Variants in SKIC3 observed in about 807,000 individuals in gnomAD.
SKIC3 encodes the protein superkiller complex protein 3.
the SKIC3 span, among the ~76,000 whole-genome samples, chr5:95,519,873 T>C: frequency 2.0e-5 from 3 of 152,026 alleles, no homozygotes; most frequent in South Asian, 2.1e-4. Flanking sequence ...AAATAAAGCA[T>C]GCCCTTTACA....
the SKIC3 span, chr5:95,495,009 A>G: frequency 6.2e-7 from 1 of 1,613,808 alleles, no homozygotes; most frequent in Non-Finnish European, 8.5e-7. Flanking sequence ...TTCCTGCTAC[A>G]ACACCTCCCT....
At chr5:95,553,800 C>T in the SKIC3 span, among the ~76,000 whole-genome samples, 1 of 152,218 alleles carries the variant, frequency 6.6e-6, no homozygotes, top group Non-Finnish European at 1.5e-5. Context: ...CTTCGGTGAT[C>T]CGCCCGTCTC....
the SKIC3 span, chr5:95,520,797 A>C: frequency 3.1e-6 from 5 of 1,611,640 alleles, no homozygotes; most frequent in Non-Finnish European, 4.2e-6. Flanking sequence ...TTTTGCCATC[A>C]TAAGATGGCA....
chr5:95,477,932 A>T, the SKIC3 span, among the ~76,000 whole-genome samples: 1 of 152,316 alleles, frequency 6.6e-6, no homozygotes, highest in Middle Eastern at 3.4e-3. Flanking sequence ...GAGAATGTTG[A>T]ATTGAAATGA....
chr5:95,530,524 C>T, the SKIC3 span, among the ~76,000 whole-genome samples: 1 of 152,186 alleles, frequency 6.6e-6, no homozygotes, highest in Non-Finnish European at 1.5e-5. Context: ...TGCTTGCCAG[C>T]TGTAACAATT....
At chr5:95,497,941 T>C in the SKIC3 span, among the ~76,000 whole-genome samples, 5 of 152,108 alleles carry the variant, frequency 3.3e-5, no homozygotes, top group Non-Finnish European at 7.4e-5. Flanking sequence ...GACATGACAC[T>C]TTACTGCTAA....
chr5:95,502,796 A>T, the SKIC3 span: 1 of 1,579,090 alleles, frequency 6.3e-7, no homozygotes. Flanking sequence ...TTCCTAAAAC[A>T]TGAAGAACTT....
At chr5:95,485,179 A>G in the SKIC3 span, among the ~76,000 whole-genome samples, 1 of 152,224 alleles carries the variant, frequency 6.6e-6, no homozygotes, top group African/African-American at 2.4e-5. Context: ...ATCTGATGAT[A>G]TTTGACATGT....
the SKIC3 span, among the ~76,000 whole-genome samples, chr5:95,546,588 C>G: frequency 6.6e-6 from 1 of 152,082 alleles, no homozygotes; most frequent in Non-Finnish European, 1.5e-5. Context: ...AGCTCTGGAT[C>G]CCAGTGTGTC....
At chr5:95,464,539 G>T in the SKIC3 span, 2 of 1,193,078 alleles carry the variant, frequency 1.7e-6, no homozygotes, top group South Asian at 1.3e-5. Context: ...GCTTTGGGTA[G>T]AAGTCTTGAT....
chr5:95,507,211 A>G, the SKIC3 span, among the ~76,000 whole-genome samples: 4 of 152,206 alleles, frequency 2.6e-5, no homozygotes, highest in Non-Finnish European at 5.9e-5. Flanking sequence ...CAGGAAAATA[A>G]CATCTAAATA....
At chr5:95,528,983 A>G in the SKIC3 span, 2 of 1,610,972 alleles carry the variant, frequency 1.2e-6, no homozygotes, top group East Asian at 2.2e-5. Context: ...ATGTCAACCC[A>G]AAAAGTATCA....
At chr5:95,535,397 G>A in the SKIC3 span, among the ~76,000 whole-genome samples, 1 of 133,384 alleles carries the variant, frequency 7.5e-6, no homozygotes, top group South Asian at 2.4e-4. Context: ...TGCAACCTCC[G>A]CCTCCCGGGT....
the SKIC3 span, among the ~76,000 whole-genome samples, chr5:95,514,566 C>T: frequency 6.6e-6 from 1 of 152,022 alleles, no homozygotes; most frequent in Non-Finnish European, 1.5e-5. Flanking sequence ...TGTTCAAAGG[C>T]CCCCCAAGTC....
chr5:95,550,589 AATT>A, the SKIC3 span: 1 of 152,304 alleles, frequency 6.6e-6, no homozygotes, highest in Non-Finnish European at 1.5e-5. Context: ...ACCTTTTACC[AATT>A]ATTACCACCT....
the SKIC3 span, among the ~76,000 whole-genome samples, chr5:95,473,002 T>C: frequency 6.6e-6 from 1 of 152,158 alleles, no homozygotes; most frequent in East Asian, 1.9e-4. Context: ...TTTCTTTATC[T>C]AATCCACTAT....
chr5:95,472,011 C>T, the SKIC3 span, among the ~76,000 whole-genome samples: 1 of 152,206 alleles, frequency 6.6e-6, no homozygotes, highest in Non-Finnish European at 1.5e-5. Context: ...CCCATGAAGC[C>T]AGCCCTGCTC....
the SKIC3 span, among the ~76,000 whole-genome samples, chr5:95,502,478 A>G: frequency 5.3e-5 from 8 of 152,324 alleles, no homozygotes; most frequent in Middle Eastern, 3.4e-3. Flanking sequence ...CACATTTTTA[A>G]AAAGATTTAC....
chr5:95,516,691 A>C, the SKIC3 span: 2 of 1,613,288 alleles, frequency 1.2e-6, no homozygotes, highest in Non-Finnish European at 1.7e-6. Context: ...ATGCAACCAC[A>C]CCAAGAGCAT....
Sources: allele counts gnomAD v4.1 joint callset (sites outside exome capture counted in the v4.1 genomes callset), GRCh38; gene constraint gnomAD v4.1.1; transcripts MANE v1.5; gene names NCBI Gene and HGNC (gene_info 2026-07-23, HGNC 2026-07-21).